SGCZ: variants seen among roughly 807,000 people sequenced by gnomAD.
SGCZ encodes zeta-sarcoglycan.
SGCZ carries 40 observed loss-of-function variants against 41.3 expected under a neutral mutation model. The ratio of observed to expected loss-of-function variants is 0.97; its 90% CI spans 0.75 to 1.26. The LOEUF is 1.26. Ranked by LOEUF, SGCZ falls within the 50% of genes most tolerant of loss-of-function variation. The pLI, the probability that SGCZ is intolerant of heterozygous loss-of-function variation, is 0.00. For synonymous variants in SGCZ, 206 were observed against 137.5 expected (o/e 1.50, Z -3.49); for missense variants, 552 against 369.8 (o/e 1.49, Z -4.04).
chr8:14,403,998 C>G (rs1017881485), intron 2 of SGCZ, among the ~76,000 whole-genome samples: 1 of 151,832 alleles, frequency 6.6e-6, no homozygotes, highest in African/African-American at 2.4e-5. Context: ...GTATAAAGCC[C>G]AGAGAAACAA....
At chr8:14,347,512 T>G (rs1311422498) in intron 2 of SGCZ, among the ~76,000 whole-genome samples, 1 of 151,990 alleles carries the variant, frequency 6.6e-6, no homozygotes, top group East Asian at 1.9e-4. Flanking sequence ...TGCATTAAAA[T>G]TTTATGTTTT....
intron 2 of SGCZ, among the ~76,000 whole-genome samples, chr8:14,463,900 T>G (rs988837714): frequency 6.2e-5 from 9 of 145,426 alleles, no homozygotes; most frequent in African/African-American, 2.5e-4. Context: ...CTGCCTTCAT[T>G]CTCTTTAGGT....
chr8:14,608,239 C>T lies in SGCZ; in HGVS notation c.40-53313G>A, dbSNP rs1308520352. Among the ~76,000 whole-genome samples the T allele has an allele frequency of 6.9e-5, 10 of 145,936 alleles. No homozygotes were observed. In the Admixed American group the frequency reaches 7.0e-4, roughly 10 times the overall value. ...TACAGCTTTCCACAAATTCATTCAA[C>T]TTACAGTGCTTTATTTGAGGCTTTT... On this transcript the variant is annotated intron_variant, in intron 1 of 7. Coordinates refer to ENST00000382080, the MANE Select transcript of SGCZ (RefSeq NM_139167.4).
intron 1 of SGCZ, among the ~76,000 whole-genome samples, chr8:14,932,371 A>T (rs535922161): frequency 3.3e-5 from 5 of 152,122 alleles, no homozygotes; most frequent in African/African-American, 9.7e-5. Flanking sequence ...TTCCATTCTA[A>T]TATGACTGGA....
In SGCZ at chr8:14,374,822, CATT is replaced by C. The variant is rs565688545; in HGVS notation, c.235-50621_235-50619del. 9.4e-3 allele frequency among the ~76,000 whole-genome samples: 1,427 copies of C among 152,212 alleles called. 9 individuals are homozygous for C. The highest frequency in any genetic ancestry group is 0.013 in the Non-Finnish European group (872 of 68,010). On this transcript the variant is annotated intron_variant, in intron 2 of 7. Transcript: ENST00000382080. ...TAAGCCAGGAATGGATGTGGAAAAA[CATT>C]ATGGAGTCCTGAGGGCTGAAAATAT... is the stretch of plus-strand genomic sequence containing the variant.
intron 1 of SGCZ, among the ~76,000 whole-genome samples, chr8:14,594,976 T>C (rs1001266976): frequency 1.6e-4 from 25 of 152,000 alleles, no homozygotes; most frequent in Non-Finnish European, 3.2e-4. Context: ...ATATCCTAAT[T>C]AGTAAAGCCT....
intron 2 of SGCZ, among the ~76,000 whole-genome samples, chr8:14,405,587 T>C (rs1440753381): frequency 6.8e-6 from 1 of 146,386 alleles, no homozygotes; most frequent in Non-Finnish European, 1.5e-5. Context: ...TTGTGGCTGA[T>C]TTTTGCATTT....
chr8:14,959,682 A>C (rs186856126), intron 1 of SGCZ, among the ~76,000 whole-genome samples: 188 of 152,318 alleles, frequency 1.2e-3, no homozygotes, highest in African/African-American at 4.4e-3. Flanking sequence ...AAGGTAGTCC[A>C]TTCAGAACAA....
At chr8:14,912,045 T>C (rs1799294487) in intron 1 of SGCZ, among the ~76,000 whole-genome samples, 1 of 151,366 alleles carries the variant, frequency 6.6e-6, no homozygotes, top group African/African-American at 2.4e-5. Flanking sequence ...TGACGCTATG[T>C]AAGCTATTTG....
intron 2 of SGCZ, among the ~76,000 whole-genome samples, chr8:14,478,534 C>G (rs561464708): frequency 6.6e-6 from 1 of 152,128 alleles, no homozygotes; most frequent in South Asian, 2.1e-4. Context: ...TTATGGGGGA[C>G]AGAGGGATGA....
intron 1 of SGCZ, among the ~76,000 whole-genome samples, chr8:14,824,427 C>T (rs7826396): frequency 0.11 from 17,297 of 151,980 alleles, 1,342 homozygotes; most frequent in East Asian, 0.31. Flanking sequence ...ATGTCTACTC[C>T]CCTAAATTAC....
chr8:14,827,736 A>G (rs935616478), intron 1 of SGCZ, among the ~76,000 whole-genome samples: 3 of 152,210 alleles, frequency 2.0e-5, no homozygotes, highest in African/African-American at 7.2e-5. Flanking sequence ...CTCTAATGCA[A>G]TGACAGAATA....
rs1491299446 is a variant in SGCZ, at chr8:14,946,004, CCA to C, written c.39+291579_39+291580del. Among the ~76,000 whole-genome samples, 20 of 45,764 alleles carry C rather than the reference CCA, an allele frequency of 4.4e-4. 1 individual carries two copies. Among genetic ancestry groups the C allele is most frequent in the African/African-American group, 1.5e-3 (17 of 11,326 alleles). The allele number at this position is 45,764 out of a possible 152,430, so 30.0% of individuals were successfully genotyped here. A position where few individuals can be genotyped will look rare whatever the true frequency, so the allele number is the denominator to read the frequency against. On this transcript the variant is annotated intron_variant, in intron 1 of 7. Transcript: ENST00000382080. ...AAGCCAATTCCCCTACTAAATGTCCCCATATATATATATATATATATATATAT... is the reference window on the plus strand; with the variant it reads ...AAGCCAATTCCCCTACTAAATGTCCCTATATATATATATATATATATATAT...
intron 5 of SGCZ, among the ~76,000 whole-genome samples, chr8:14,109,017 T>A (rs1341913320): frequency 1.3e-5 from 2 of 152,132 alleles, no homozygotes; most frequent in South Asian, 2.1e-4. Context: ...ATTGGTTTTT[T>A]AAAGACAAAC....
chr8:14,365,382 T>C (rs2117144917), intron 2 of SGCZ, among the ~76,000 whole-genome samples: 1 of 152,252 alleles, frequency 6.6e-6, no homozygotes, highest in South Asian at 2.1e-4. Context: ...GAACAATGCC[T>C]TCAGTCCCTC....
At chr8:14,920,561 A>G (rs1224990875) in intron 1 of SGCZ, among the ~76,000 whole-genome samples, 1 of 152,174 alleles carries the variant, frequency 6.6e-6, no homozygotes, top group Non-Finnish European at 1.5e-5. Context: ...AGGGTAAGTC[A>G]AAGATGAATT....
chr8:14,608,861 A>G (rs1353563705), intron 1 of SGCZ, among the ~76,000 whole-genome samples: 1 of 152,194 alleles, frequency 6.6e-6, no homozygotes, highest in African/African-American at 2.4e-5. Context: ...AATGACAAAA[A>G]AAAGGTCCAA....
At chr8:15,133,245 T>C (rs546388520) in intron 1 of SGCZ, among the ~76,000 whole-genome samples, 1 of 152,204 alleles carries the variant, frequency 6.6e-6, no homozygotes, top group African/African-American at 2.4e-5. Context: ...TTTCTGTCCA[T>C]ATTCTTTTGG....
In SGCZ at chr8:14,237,769, A is replaced by G. The variant is rs917214850; in HGVS notation, c.337-90T>C. On this transcript the variant is annotated intron_variant, in intron 3 of 7. Coordinates refer to ENST00000382080, the MANE Select transcript of SGCZ (RefSeq NM_139167.4). ...TACTGCATTTGTTTGGATATTCTGA[A>G]AAATTTAATTTGTTTGCTCTATATT... 5 of 1,234,754 alleles carry G rather than the reference A, an allele frequency of 4.0e-6. 1 individual carries two copies. Among genetic ancestry groups the G allele is most frequent in the South Asian group, 4.0e-5 (3 of 75,152 alleles). 76.5% of individuals were successfully genotyped at this position (1,234,754 alleles called of 1,614,324 possible).
Sources: gnomAD v4.1 joint callset for allele counts (sites outside exome capture counted in the v4.1 genomes callset) on GRCh38, gnomAD v4.1.1 for gene constraint, MANE v1.5 for transcripts, NCBI Gene and HGNC (gene_info 2026-07-23, HGNC 2026-07-21) for gene names.